The following GAD2 variants were observed in gnomAD, a reference collection of about 807,000 sequenced individuals.
GAD2 encodes the protein 65 kDa glutamic acid decarboxylase.
In GAD2, 22 loss-of-function variants were observed where a neutral mutation model predicts 80.1. That is an observed-to-expected ratio of 0.27 (90% confidence interval 0.20 to 0.39). The LOEUF is 0.39. Among genes scored for constraint, GAD2 ranks in the 10% least tolerant of loss-of-function variants. The pLI, the probability that GAD2 is intolerant of heterozygous loss-of-function variation, is 1.00. For missense variants in GAD2, 624 were observed against 738.4 expected (o/e 0.85, Z 1.80); for synonymous variants, 274 against 256.9 (o/e 1.07, Z -0.64).
At chr10:26,218,551 T>TCTCTCTCACACACACACA (rs748110324) in intron 3 of GAD2, among the ~76,000 whole-genome samples, 6 of 118,780 alleles carry the variant, frequency 5.1e-5, no homozygotes, top group East Asian at 2.8e-4. Flanking sequence ...TCTCTCTCTC[T>TCTCTCTCACACACACACA]CACACACACA....
At chr10:26,253,709 G>A (rs1397954605) in intron 8 of GAD2, among the ~76,000 whole-genome samples, 1 of 152,250 alleles carries the variant, frequency 6.6e-6, no homozygotes, top group African/African-American at 2.4e-5. Flanking sequence ...GTCCAGTCTA[G>A]CGTGAGATGA....
rs1231461978 is a variant in GAD2, at chr10:26,293,006, C to T, written c.1584+15C>T. 2 of 1,587,650 alleles carry T rather than the reference C, an allele frequency of 1.3e-6. No individual in the cohort carries two copies. Among genetic ancestry groups the T allele is most frequent in the Non-Finnish European group, 1.7e-6 (2 of 1,157,226 alleles). ...GCCTCTCGAAGGTCAGTGCTCCAAG[C>T]TCCTCTGATACATGTGTGTATTGAG... On this transcript the variant is annotated intron_variant, in intron 15 of 15. Coordinates refer to ENST00000376261, the MANE Select transcript of GAD2 (RefSeq NM_001134366.2).
chr10:26,289,974 G>A (rs1834195598), intron 13 of GAD2, among the ~76,000 whole-genome samples: 1 of 151,534 alleles, frequency 6.6e-6, no homozygotes, highest in Non-Finnish European at 1.5e-5. Flanking sequence ...AAATCTCTGT[G>A]TTTGTATGTA....
chr10:26,250,877 CTTT>C (rs1181428173), intron 8 of GAD2, among the ~76,000 whole-genome samples: 1 of 112,944 alleles, frequency 8.9e-6, no homozygotes. Flanking sequence ...GTTTTTTTTC[CTTT>C]TTTTTTTTTT....
At chr10:26,216,691 G>A (rs944820443), upstream of GAD2, 12 of 647,408 alleles carry the variant, frequency 1.9e-5, 1 homozygote, top group South Asian at 1.2e-4. This position sits in a 1 kb window ranked among gnomAD's most constrained non-coding sequence, Gnocchi z 4.7. Flanking sequence ...CGGCCCCGCC[G>A]GTCCCCGCGC....
At chr10:26,278,611 T>C (rs970475685) in intron 11 of GAD2, among the ~76,000 whole-genome samples, 1 of 152,156 alleles carries the variant, frequency 6.6e-6, no homozygotes, top group Non-Finnish European at 1.5e-5. Flanking sequence ...AGGGTCATTC[T>C]ACAAAGCAAG....
At chr10:26,288,023 G>A (rs750242637) in intron 13 of GAD2, among the ~76,000 whole-genome samples, 2 of 152,150 alleles carry the variant, frequency 1.3e-5, no homozygotes, top group Non-Finnish European at 2.9e-5. Flanking sequence ...CCACGGCAAT[G>A]CATTCCTTAT....
At chr10:26,245,598 C>T (rs148311538) in intron 7 of GAD2, among the ~76,000 whole-genome samples, 127 of 151,572 alleles carry the variant, frequency 8.4e-4, no homozygotes, top group African/African-American at 2.1e-3. Context: ...CCACCACACC[C>T]GGCTAATTTT....
chr10:26,300,193 T>G (rs1396316991), intron 15 of GAD2, among the ~76,000 whole-genome samples: 1 of 152,214 alleles, frequency 6.6e-6, no homozygotes, highest in Non-Finnish European at 1.5e-5. Context: ...GTCTGTGATA[T>G]GAAACATATG....
intron 7 of GAD2, among the ~76,000 whole-genome samples, chr10:26,245,076 C>G (rs1844787857): frequency 6.6e-6 from 1 of 151,092 alleles, no homozygotes; most frequent in Admixed American, 6.6e-5. Flanking sequence ...TCACTGGAAC[C>G]CGGGAGGCAG....
In GAD2 at chr10:26,229,675, T is replaced by C; in HGVS notation, c.738T>C (p.Ser246=). 1 of 1,613,734 alleles carries C rather than the reference T, an allele frequency of 6.2e-7. No individual in the cohort carries two copies. Among genetic ancestry groups the C allele is most frequent in the Non-Finnish European group, 8.5e-7 (1 of 1,179,734 alleles). The change falls in exon 7 of 16, where the codon TCT becomes TCC. Residue 246 remains serine (S), a synonymous_variant. Coordinates refer to ENST00000376261, the MANE Select transcript of GAD2 (RefSeq NM_001134366.2). ...DGIFSPGGAI[S]NMYAMMIARF... is the part of the protein sequence containing the mutation. ...TGTGCACTTTAGGTGGCGCCATATC[T>C]AACATGTATGCCATGATGATCGCAC... is the stretch of plus-strand genomic sequence containing the variant.
At chr10:26,264,475 AT>A (rs887399886) in intron 8 of GAD2, among the ~76,000 whole-genome samples, 1 of 131,708 alleles carries the variant, frequency 7.6e-6, no homozygotes, top group Non-Finnish European at 1.8e-5. Context: ...CGCCCGGCTG[AT>A]TTTTTGTATT....
At chr10:26,247,844 C>T (rs982235979) in intron 8 of GAD2, among the ~76,000 whole-genome samples, 1 of 139,362 alleles carries the variant, frequency 7.2e-6, no homozygotes, top group African/African-American at 2.7e-5. Flanking sequence ...TGCAGTGAGC[C>T]GAGATCATGC....
chr10:26,245,394 T>A (rs896264987), intron 7 of GAD2, among the ~76,000 whole-genome samples: 5 of 150,810 alleles, frequency 3.3e-5, no homozygotes, highest in South Asian at 4.2e-4. Flanking sequence ...AAAAAAAAAA[T>A]AAATAAAAAC....
intron 13 of GAD2, 30 bp downstream of exon 13, chr10:26,286,524 A>T (rs755206168): frequency 6.4e-7 from 1 of 1,570,882 alleles, no homozygotes; most frequent in Non-Finnish European, 8.6e-7. Context: ...CTAAATGTCA[A>T]CTAAAAACAG....
intron 7 of GAD2, among the ~76,000 whole-genome samples, chr10:26,232,469 C>CTTTT (rs60636223): frequency 3.4e-4 from 34 of 101,402 alleles, no homozygotes; most frequent in Non-Finnish European, 5.8e-4. Context: ...ACTCAGTCTA[C>CTTTT]TTTTTTTTTT....
chr10:26,233,573 TA>T (rs1268105081), intron 7 of GAD2, among the ~76,000 whole-genome samples: 2 of 152,228 alleles, frequency 1.3e-5, no homozygotes, highest in Non-Finnish European at 2.9e-5. Context: ...TTCTGGGCTC[TA>T]GACCTCAGAC....
chr10:26,227,104 T>C (rs1844536563), intron 6 of GAD2, among the ~76,000 whole-genome samples: 1 of 152,196 alleles, frequency 6.6e-6, no homozygotes, highest in African/African-American at 2.4e-5. Flanking sequence ...GCAATTCTTA[T>C]GCCTTAGCCT....
At chr10:26,242,452 G>C (rs1158523495) in intron 7 of GAD2, among the ~76,000 whole-genome samples, 4 of 152,116 alleles carry the variant, frequency 2.6e-5, no homozygotes, top group Admixed American at 6.6e-5. Context: ...AAAAACGACT[G>C]TCCACATGTG....
Sources: gnomAD v4.1 joint callset for allele counts (sites outside exome capture counted in the v4.1 genomes callset) on GRCh38, gnomAD v4.1.1 for gene constraint, Gnocchi (gnomAD v3.1) non-coding constraint, MANE v1.5 for transcripts, NCBI Gene and HGNC (gene_info 2026-07-23, HGNC 2026-07-21) for gene names.